Variants in TMEM63A observed in about 807,000 individuals in gnomAD.
The protein encoded by TMEM63A is mechanosensitive cation channel TMEM63A.
A neutral mutation model predicts 100.6 loss-of-function variants in TMEM63A; 76 were observed. The observed-to-expected ratio is 0.76, with a 90% CI of 0.63 to 0.91. TMEM63A has a LOEUF of 0.91. Among genes scored for constraint, TMEM63A ranks in the 40% least tolerant of loss-of-function variants. The pLI is 0.00. For synonymous variants in TMEM63A, 401 were observed against 401.1 expected, an observed-to-expected ratio of 1.00 and a Z score of 0.00; for missense variants, 876 against 1,008.8, an observed-to-expected ratio of 0.87 and a Z score of 1.78.
chr1:225,858,251 T>G (rs991277607), intron 15 of TMEM63A, among the ~76,000 whole-genome samples: 6 of 152,176 alleles, frequency 3.9e-5, no homozygotes, highest in Admixed American at 6.5e-5. Context: ...GAGTGAGTGT[T>G]TGGCTGTTAT....
intron 5 of TMEM63A, chr1:225,871,732 A>G (rs1670515576): frequency 6.0e-6 from 3 of 500,284 alleles, no homozygotes. Context: ...CCATAGGTGT[A>G]AGAGAGAGAA....
chr1:225,877,626 G>A (rs750518224), intron 2 of TMEM63A, 32 bp from the exon 3 acceptor site: 30 of 1,566,430 alleles, frequency 1.9e-5, no homozygotes, highest in Admixed American at 3.6e-5. Context: ...CAAGGCAGAC[G>A]TTCAGGGCTC....
chr1:225,843,548 G>T (rs1300388729), downstream of TMEM63A, among the ~76,000 whole-genome samples: 2 of 152,176 alleles, frequency 1.3e-5, no homozygotes, highest in Non-Finnish European at 1.5e-5. Flanking sequence ...TTGGCAGGGG[G>T]TCTGGCCTGC....
chr1:225,846,042 G>A lies in TMEM63A; in HGVS notation c.*897C>T, dbSNP rs1220660861. The A allele has an allele frequency of 6.5e-6, 1 of 154,904 alleles. No individual in the cohort carries two copies. Among genetic ancestry groups the A allele is most frequent in the African/African-American group, 2.4e-5 (1 of 41,458 alleles). The allele number at this position is 154,904 out of a possible 1,614,324, so 9.6% of individuals were successfully genotyped here. A position where few individuals can be genotyped will look rare whatever the true frequency, so the allele number is the denominator to read the frequency against. ...TGCATCCCATTCCCCAGAATCCCCA[G>A]GAGGGAGAAGAGGGATGGGCTGCCC... On this transcript the variant is annotated 3_prime_UTR_variant, in exon 25 of 25. Coordinates refer to ENST00000366835, the MANE Select transcript of TMEM63A (RefSeq NM_014698.3).
intron 23 of TMEM63A, 45 bp downstream of exon 23, chr1:225,848,447 C>CA (rs752178051): frequency 6.4e-5 from 102 of 1,602,806 alleles, no homozygotes; most frequent in East Asian, 1.1e-4. Context: ...ACAACCAAAG[C>CA]AAAAAAAAGG....
At chr1:225,842,135 G>T (rs1668478870), downstream of TMEM63A, among the ~76,000 whole-genome samples, 1 of 152,260 alleles carries the variant, frequency 6.6e-6, no homozygotes, top group Non-Finnish European at 1.5e-5. Context: ...AGTGTGCCAG[G>T]CCCTGGGAGA....
Position 225,859,252 on chromosome 1 carries a change from TG to T in TMEM63A, c.1320del (p.Ile441SerfsTer18). On this transcript the variant is annotated frameshift_variant, in exon 15 of 25. Coordinates refer to ENST00000366835, the MANE Select transcript of TMEM63A (RefSeq NM_014698.3). LOFTEE classifies it high-confidence loss of function. ...FLGLFFLTTP[S>X]IILSTMDKFN... Reference sequence around the variant, plus strand: ...AACTTGTCCATGGTGGACAGGATGATGGAGGGTGTGGTCAGGAAAAATAGCC... The same window carrying T: ...AACTTGTCCATGGTGGACAGGATGATGAGGGTGTGGTCAGGAAAAATAGCC... The T allele has an allele frequency of 1.9e-6, 3 of 1,614,030 alleles. No homozygotes were observed. The South Asian group carries it at 3.3e-5, about 18-fold the overall frequency.
intron 3 of TMEM63A, among the ~76,000 whole-genome samples, chr1:225,874,679 A>C (rs1468367841): frequency 1.3e-5 from 2 of 152,216 alleles, no homozygotes; most frequent in Non-Finnish European, 2.9e-5. Context: ...CAGCGGTAAC[A>C]CCACAAGGCC....
rs149216134 is a variant in TMEM63A at position 225,853,738 on chromosome 1, G to A, written c.1688C>T (p.Ser563Leu). The A allele has an allele frequency of 2.1e-5, 33 of 1,606,010 alleles. No individual in the cohort carries two copies. The highest frequency in any genetic ancestry group is 8.9e-5 in the South Asian group (8 of 89,410). Residue 563 changes from serine (S) to leucine (L), a missense_variant, in exon 19 of 25, where the codon TCG becomes TTG. By Grantham distance (145) the Ser-to-Leu change is moderately radical. Coordinates refer to ENST00000366835, the MANE Select transcript of TMEM63A (RefSeq NM_014698.3). The surrounding 1 kb of genome is among the most constrained non-coding windows in gnomAD (Gnocchi z 4.0). ...GAFFVNYVIA[S>L]AFIGNGMELL... is the part of the protein sequence containing the mutation. ...CTCCATGCCATTGCCGATGAAGGCC[G>A]AGGCGATGACATAGTTCACAAAGAA... is the stretch of plus-strand genomic sequence containing the variant.
chr1:225,851,956 A>G (rs1669362317), intron 20 of TMEM63A, among the ~76,000 whole-genome samples: 1 of 152,362 alleles, frequency 6.6e-6, no homozygotes, highest in South Asian at 2.1e-4. Context: ...TTTTGTGTGA[A>G]GGGGGAATAG....
At chr1:225,861,846 G>A (rs1468137746) in intron 13 of TMEM63A, 7 of 248,074 alleles carry the variant, frequency 2.8e-5, no homozygotes, top group Non-Finnish European at 4.8e-5. Context: ...AAGGATCTGT[G>A]GCCCAGAGCA....
At chr1:225,856,800 GC>G (rs3215220) in intron 16 of TMEM63A, 62 bp from the exon 17 acceptor site, 70,820 of 1,586,948 alleles carry the variant, frequency 0.045, 2,125 homozygotes, top group East Asian at 0.15. Flanking sequence ...CCCCAGTGAG[GC>G]CCCTGCCATG....
At position 225,857,384 on chromosome 1, in the gene TMEM63A, CGGGGG is replaced by C. The variant is rs752790126; in HGVS notation, c.1378-372_1378-368del. On this transcript the variant is annotated intron_variant, in intron 15 of 24. Coordinates refer to ENST00000366835, the MANE Select transcript of TMEM63A (RefSeq NM_014698.3). ...AGGCCTGGAGTCCTGGCCGGCGGGGCGGGGGGGGGGGGGTGCCCTGCCTGCTCAGC... is the reference window on the plus strand; with the variant it reads ...AGGCCTGGAGTCCTGGCCGGCGGGGCGGGGGGGGTGCCCTGCCTGCTCAGC... Among the ~76,000 whole-genome samples, 30 of 93,870 alleles carry C rather than the reference CGGGGG, an allele frequency of 3.2e-4. 1 individual carries two copies. Among genetic ancestry groups the C allele is most frequent in the Admixed American group, 2.1e-3 (20 of 9,636 alleles). 61.6% of individuals were successfully genotyped at this position (93,870 alleles called of 152,430 possible).
chr1:225,842,418 G>A (rs1668506397), downstream of TMEM63A: 5 of 1,614,166 alleles, frequency 3.1e-6, no homozygotes. Context: ...TTCTAGAGAA[G>A]TTTTCCACCT....
chr1:225,855,937 T>C lies in TMEM63A; in HGVS notation c.1575A>G (p.Leu525=), dbSNP rs1184470418. 1 of 1,614,018 alleles carries C rather than the reference T, an allele frequency of 6.2e-7. No individual in the cohort carries two copies. Among genetic ancestry groups the C allele is most frequent in the Non-Finnish European group, 8.5e-7 (1 of 1,179,960 alleles). Residue 525 remains leucine (L), a synonymous_variant, in exon 18 of 25, where the codon CTA becomes CTG. Transcript: ENST00000366835. ...CAAAGAGCCACCGGAAGAAAAAATCTAGACTGAAAAACAAAGGAACCCCCT... is the reference window on the plus strand; with the variant it reads ...CAAAGAGCCACCGGAAGAAAAAATCCAGACTGAAAAACAAAGGAACCCCCT... ...LILPSLGLTS[L]DFFFRWLFDK...
Position 225,862,453 on chromosome 1 carries a change from A to G in TMEM63A, c.951+2T>C. 1 of 1,613,894 alleles carries G rather than the reference A, an allele frequency of 6.2e-7. No individual in the cohort carries two copies. The highest frequency in any genetic ancestry group is 8.5e-7 in the Non-Finnish European group (1 of 1,179,920). On this transcript the variant is annotated splice_donor_variant, in intron 12 of 24. Transcript: ENST00000366835. LOFTEE classifies it high-confidence loss of function. The surrounding 1 kb of genome is among the most constrained non-coding windows in gnomAD (Gnocchi z 5.1). ...CTCCCAGCCGGGGGGTGGGACCCTT[A>G]CCCACTCACAGCCCAGCACTTCACA...
intron 17 of TMEM63A, 116 bp downstream of exon 17, chr1:225,856,536 C>T: frequency 9.8e-7 from 1 of 1,023,758 alleles, no homozygotes; most frequent in Non-Finnish European, 1.5e-6. Flanking sequence ...TTGCGACAGG[C>T]TTAGATATTG....
downstream of TMEM63A, among the ~76,000 whole-genome samples, chr1:225,842,829 A>T (rs1668540669): frequency 6.6e-6 from 1 of 152,234 alleles, no homozygotes; most frequent in African/African-American, 2.4e-5. Context: ...AGAGCCTGGC[A>T]TCAGGGTCAC....
At chr1:225,869,957 G>A (rs1387883627) in intron 6 of TMEM63A, among the ~76,000 whole-genome samples, 3 of 151,662 alleles carry the variant, frequency 2.0e-5, no homozygotes, top group South Asian at 2.1e-4. Flanking sequence ...CACCGCAGCC[G>A]GCCATATTTC....
Sources: allele counts gnomAD v4.1 joint callset (sites outside exome capture counted in the v4.1 genomes callset), GRCh38; gene constraint gnomAD v4.1.1; non-coding constraint Gnocchi (gnomAD v3.1); transcripts MANE v1.5; gene names NCBI Gene and HGNC (gene_info 2026-07-23, HGNC 2026-07-21).